The following NTAN1 variants were observed in gnomAD, a reference collection of about 807,000 sequenced individuals.
NTAN1 encodes protein N-terminal asparagine amidohydrolase.
NTAN1 carries 32 observed loss-of-function variants against 41.9 expected under a neutral mutation model. That is an observed-to-expected ratio of 0.76 (90% CI 0.58 to 1.03). NTAN1 has a LOEUF of 1.03. Ranked by LOEUF, NTAN1 falls within the 50% of genes least tolerant of loss-of-function variation. The pLI is 0.00. For missense variants in NTAN1, 377 were observed against 377.5 expected (o/e 1.00, Z 0.01); for synonymous variants, 140 against 139.5 (o/e 1.00, Z -0.03).
intron 1 of NTAN1, among the ~76,000 whole-genome samples, chr16:15,049,788 A>G (rs2044226575): frequency 6.6e-6 from 1 of 152,236 alleles, no homozygotes; most frequent in Non-Finnish European, 1.5e-5. Context: ...TAAATTGGGC[A>G]CAGAACCAAG....
chr16:15,055,776 T>C, intron 1 of NTAN1, 115 bp downstream of exon 1: 1 of 523,540 alleles, frequency 1.9e-6, no homozygotes, highest in Non-Finnish European at 2.9e-6. Flanking sequence ...CGGCCGGGGC[T>C]CCGGATGTGC....
At chr16:15,055,849 C>T in intron 1 of NTAN1, 42 bp downstream of exon 1, 1 of 1,088,402 alleles carries the variant, frequency 9.2e-7, no homozygotes, top group Non-Finnish European at 1.2e-6. Context: ...CTGCAGCTTC[C>T]CCTCGGGCCC....
intron 4 of NTAN1, among the ~76,000 whole-genome samples, chr16:15,046,363 G>A (rs1474624870): frequency 6.6e-6 from 1 of 152,208 alleles, no homozygotes; most frequent in Non-Finnish European, 1.5e-5. Context: ...ACACCTGCCA[G>A]GTCTCCACAA....
chr16:15,051,703 T>A (rs945232495), intron 1 of NTAN1, among the ~76,000 whole-genome samples: 206 of 149,550 alleles, frequency 1.4e-3, no homozygotes, highest in Admixed American at 5.1e-3. Context: ...TTTTAATTTT[T>A]TTTTTTTTTT....
At chr16:15,043,189 C>T (rs570603006) in intron 5 of NTAN1, among the ~76,000 whole-genome samples, 7 of 152,116 alleles carry the variant, frequency 4.6e-5, no homozygotes, top group East Asian at 1.9e-4. Context: ...CATGAGCCAC[C>T]GCACCCGGCC....
chr16:15,044,217 C>G lies in NTAN1; in HGVS notation c.433+117G>C, dbSNP rs550846517. On this transcript the variant is annotated intron_variant, in intron 5 of 9. Coordinates refer to ENST00000287706, the MANE Select transcript of NTAN1 (RefSeq NM_173474.4). The stretch of plus-strand genomic sequence containing the variant: ...AAGCTGGGCAGTCTGTTTCTCTGTG[C>G]TGCTCCAAGTGGGTGTGCCCTTCTT... 5.0e-5 allele frequency: 34 copies of G among 685,432 alleles called. No homozygotes were observed. In the East Asian group the frequency reaches 8.6e-4, roughly 17 times the overall value. 42.5% of individuals were successfully genotyped at this position (685,432 alleles called of 1,614,324 possible). A position where few individuals can be genotyped will look rare whatever the true frequency, so the allele number is the denominator to read the frequency against.
At chr16:15,038,314 A>G in intron 9 of NTAN1, 104 bp from the exon 10 acceptor site, 1 of 821,474 alleles carries the variant, frequency 1.2e-6, no homozygotes, top group South Asian at 1.9e-5. Context: ...TATATATAAT[A>G]AAATACGTTA....
intron 4 of NTAN1, 25 bp from the exon 5 acceptor site, chr16:15,044,432 G>A (rs749121976): frequency 3.2e-6 from 5 of 1,542,860 alleles, no homozygotes; most frequent in Non-Finnish European, 4.5e-6. Flanking sequence ...AGACGGGTCA[G>A]AGGCCAGAAG....
intron 1 of NTAN1, chr16:15,055,685 G>A: frequency 2.7e-6 from 1 of 370,136 alleles, no homozygotes; most frequent in Non-Finnish European, 4.8e-6. Context: ...TCCCTTGTCA[G>A]AGAGTGGCCT....
At chr16:15,055,301 AG>A (rs2044462722) in intron 1 of NTAN1, among the ~76,000 whole-genome samples, 1 of 152,228 alleles carries the variant, frequency 6.6e-6, no homozygotes, top group Non-Finnish European at 1.5e-5. Flanking sequence ...CCCGTGCATC[AG>A]GGCGTGGTCC....
chr16:15,038,023 C>G lies in NTAN1; in HGVS notation c.*8G>C, dbSNP rs368414393. 5.0e-5 allele frequency: 80 copies of G among 1,606,780 alleles called. No individual in the cohort carries two copies. In the African/African-American group the frequency reaches 9.5e-4, roughly 19 times the overall value. On this transcript the variant is annotated 3_prime_UTR_variant, in exon 10 of 10. Transcript: ENST00000287706. ...CAAGAAGGTGCTTTCTTTGGTAATT[C>G]ATGTTTTTTAACTTCCTGGAGAAGA... is the stretch of plus-strand genomic sequence containing the variant.
At chr16:15,044,516 G>C in intron 4 of NTAN1, 109 bp from the exon 5 acceptor site, 2 of 755,190 alleles carry the variant, frequency 2.6e-6, no homozygotes. Context: ...CTCTACAGCA[G>C]AGCTGCAGGT....
At chr16:15,048,162 T>C (rs1164817494) in intron 1 of NTAN1, 63 bp from the exon 2 acceptor site, 1 of 1,230,034 alleles carries the variant, frequency 8.1e-7, no homozygotes, top group Non-Finnish European at 1.2e-6. Context: ...AAACTAAAGA[T>C]GTGGAGAGAG....
chr16:15,052,337 C>T (rs1012797701), intron 1 of NTAN1, among the ~76,000 whole-genome samples: 3 of 152,076 alleles, frequency 2.0e-5, no homozygotes, highest in African/African-American at 7.2e-5. Context: ...ATATAAAGAC[C>T]ATTCTTGGCC....
chr16:15,048,004 T>C lies in NTAN1; in HGVS notation c.177A>G (p.Pro59=), dbSNP rs1452467710. ...VQQRELAVTS[P]KDGSISILGS... is the part of the protein sequence containing the mutation. Reference sequence around the variant, plus strand: ...CACTGCTTCCTAACCTACCATCCTTTGGGGAGGTCACTGCAAGCTCTCTTT... The same window carrying C: ...CACTGCTTCCTAACCTACCATCCTTCGGGGAGGTCACTGCAAGCTCTCTTT... Residue 59 remains proline, a synonymous_variant, in exon 2 of 10, where the codon CCA becomes CCG. Coordinates refer to ENST00000287706, the MANE Select transcript of NTAN1 (RefSeq NM_173474.4). 7 of 1,610,646 alleles carry C rather than the reference T, an allele frequency of 4.3e-6. No individual in the cohort carries two copies. The highest frequency in any genetic ancestry group is 5.9e-6 in the Non-Finnish European group (7 of 1,176,946).
chr16:15,038,230 G>A lies in NTAN1; in HGVS notation c.754-20C>T, dbSNP rs368736049. 4.4e-5 allele frequency: 70 copies of A among 1,603,746 alleles called. No individual in the cohort carries two copies. In the African/African-American group the frequency reaches 7.6e-4, roughly 18 times the overall value. ...AAGATTCTGAAAACACAAGATGGTG[G>A]GCATTAGAGAAGCCAACCTTACTGT... On this transcript the variant is annotated intron_variant, in intron 9 of 9. Coordinates refer to ENST00000287706, the MANE Select transcript of NTAN1 (RefSeq NM_173474.4).
intron 5 of NTAN1, among the ~76,000 whole-genome samples, chr16:15,042,474 G>A (rs996743537): frequency 1.6e-4 from 24 of 152,280 alleles, no homozygotes; most frequent in East Asian, 1.9e-4. Context: ...ACAGGAATGA[G>A]CCACTGCGCC....
In NTAN1 at chr16:15,037,878, TTTGAAAGTCATTTG is replaced by T. The variant is rs1472155494; in HGVS notation, c.*139_*152del. The T allele has an allele frequency of 1.1e-5, 6 of 555,316 alleles. No homozygotes were observed. Among genetic ancestry groups the T allele is most frequent in the East Asian group, 5.8e-5 (2 of 34,454 alleles). 34.4% of individuals were successfully genotyped at this position (555,316 alleles called of 1,614,324 possible). A position where few individuals can be genotyped will look rare whatever the true frequency, so the allele number is the denominator to read the frequency against. On this transcript the variant is annotated 3_prime_UTR_variant, in exon 10 of 10. Transcript: ENST00000287706. ...TGCCTTTGCCAAAATAAGGTTTTAT[TTTGAAAGTCATTTG>T]ATGAAAGTCATTTGAAAGACACTGA...
chr16:15,044,420 T>C lies in NTAN1; in HGVS notation c.360-13A>G, dbSNP rs373389830. 1.4e-4 allele frequency: 218 copies of C among 1,601,174 alleles called. No individual in the cohort carries two copies. The highest frequency in any genetic ancestry group is 1.7e-4 in the Non-Finnish European group (201 of 1,168,408). ...GTGTACTTCCAGCCTGGCAAAGAGA[T>C]GAGACGGGTCAGAGGCCAGAAGAAG... On this transcript the variant is annotated splice_polypyrimidine_tract_variant and intron_variant, in intron 4 of 9. Coordinates refer to ENST00000287706, the MANE Select transcript of NTAN1 (RefSeq NM_173474.4).
Sources: gnomAD v4.1 joint callset for allele counts (sites outside exome capture counted in the v4.1 genomes callset) on GRCh38, gnomAD v4.1.1 for gene constraint, MANE v1.5 for transcripts, NCBI Gene and HGNC (gene_info 2026-07-23, HGNC 2026-07-21) for gene names.